Variants in DHX37 observed in about 807,000 individuals in gnomAD.
The protein encoded by DHX37 is DEAH-box helicase 37, also known as probable ATP-dependent RNA helicase DHX37.
In DHX37, 52 loss-of-function variants were observed where a neutral mutation model predicts 134.3. The observed-to-expected ratio is 0.39, with a 90% CI of 0.31 to 0.49. The LOEUF is 0.49. Ranked by LOEUF, DHX37 falls within the 20% of genes least tolerant of loss-of-function variation. The probability of loss-of-function intolerance (pLI) is 0.93; values close to 1 mark genes in which losing one functional copy is unlikely to be tolerated. For missense variants in DHX37, 1,344 were observed against 1,580.8 expected (o/e 0.85, Z 2.54); for synonymous variants, 634 against 670.7 (o/e 0.95, Z 0.85).
Position 124,960,461 on chromosome 12 carries a change from C to T in DHX37, c.2046-38G>A, listed in dbSNP as rs771130225. ...AAACCGGGACAACAAACACAAAACT[C>T]ACACCAAAAACCACAGATGAATACA... On this transcript the variant is annotated intron_variant, in intron 15 of 26. Coordinates refer to ENST00000308736, the MANE Select transcript of DHX37 (RefSeq NM_032656.4). 5 of 1,598,894 alleles carry T rather than the reference C, an allele frequency of 3.1e-6. No homozygotes were observed. In the South Asian group the frequency reaches 4.4e-5, roughly 14 times the overall value.
intron 10 of DHX37, 74 bp from the exon 11 acceptor site, chr12:124,967,292 G>A (rs78702572): frequency 0.048 from 73,282 of 1,512,078 alleles, 1,952 homozygotes; most frequent in Non-Finnish European, 0.055. Context: ...CACCTGCCAA[G>A]CCATGCTCTG....
intron 15 of DHX37, among the ~76,000 whole-genome samples, chr12:124,961,112 C>T (rs1302179933): frequency 6.6e-6 from 1 of 152,240 alleles, no homozygotes; most frequent in Non-Finnish European, 1.5e-5. Flanking sequence ...ACAAAAGGAA[C>T]AGCAATAAAG....
In DHX37 at chr12:124,980,698, G is replaced by C. The variant is rs772470904; in HGVS notation, c.530C>G (p.Ser177Trp). The change falls in exon 4 of 27, where the codon TCG (serine) becomes TGG (tryptophan). Residue 177 changes from serine to tryptophan, a missense_variant. Ser to Trp is a radical substitution (Grantham distance 177, BLOSUM62 -3). Around this residue, in one of 7 missense-constraint regions of DHX37, gnomAD observed 319 missense variants for 296.1 expected, o/e 1.08. Coordinates refer to ENST00000308736, the MANE Select transcript of DHX37 (RefSeq NM_032656.4). The surrounding 1 kb of genome is among the most constrained non-coding windows in gnomAD (Gnocchi z 5.3). ...AGCAGCTGGGTCCTCGTCCAGCTCCGACTCCTCCTCCAGCTCCGATTCCGA... is the reference window on the plus strand; with the variant it reads ...AGCAGCTGGGTCCTCGTCCAGCTCCCACTCCTCCTCCAGCTCCGATTCCGA... ...EESESELEEE[S>W]ELDEDPAAEP... 1.9e-6 allele frequency: 3 copies of C among 1,574,438 alleles called. No individual in the cohort carries two copies. In the South Asian group the frequency reaches 3.4e-5, roughly 18 times the overall value.
chr12:124,956,793 T>A lies in DHX37; in HGVS notation c.2351A>T (p.Tyr784Phe), dbSNP rs1168527892. Residue 784 changes from tyrosine (Y) to phenylalanine (F), a missense_variant, in exon 18 of 27, where the codon TAC (tyrosine) becomes TTC (phenylalanine). Coordinates refer to ENST00000308736, the MANE Select transcript of DHX37 (RefSeq NM_032656.4). ...TCGGCTCAGTGCCAGCATCTTAGCGTAGCGGGGTGCCACGGGGAATGTGGC... is the reference window on the plus strand; with the variant it reads ...TCGGCTCAGTGCCAGCATCTTAGCGAAGCGGGGTGCCACGGGGAATGTGGC... ...TMATFPVAPR[Y>F]AKMLALSRQH... 1 of 1,612,038 alleles carries A rather than the reference T, an allele frequency of 6.2e-7. No homozygotes were observed.
In DHX37 at chr12:124,977,214, T is replaced by A. The variant is rs1313755338; in HGVS notation, c.887+128A>T. On this transcript the variant is annotated intron_variant, in intron 5 of 26. Transcript: ENST00000308736. ...GCCCAGAGAGGTTAAGTAGCTTGTCTGAAGTCACACAGCATGCACAGGGCA... is the reference window on the plus strand; with the variant it reads ...GCCCAGAGAGGTTAAGTAGCTTGTCAGAAGTCACACAGCATGCACAGGGCA... 2.5e-6 allele frequency: 3 copies of A among 1,199,948 alleles called. No individual in the cohort carries two copies. In the African/African-American group the frequency reaches 4.6e-5, roughly 18 times the overall value. The allele number at this position is 1,199,948 out of a possible 1,614,324, so 74.3% of individuals were successfully genotyped here. A position where few individuals can be genotyped will look rare whatever the true frequency, so the allele number is the denominator to read the frequency against.
intron 1 of DHX37, among the ~76,000 whole-genome samples, chr12:124,986,725 C>T (rs1283281254): frequency 6.6e-6 from 1 of 151,476 alleles, no homozygotes; most frequent in African/African-American, 2.4e-5. Context: ...AAAAGAAAAC[C>T]CCCCAAAAAA....
Position 124,980,643 on chromosome 12 carries a change from G to A in DHX37, c.585C>T (p.Thr195=), listed in dbSNP as rs374237182. 55 of 1,605,826 alleles carry A rather than the reference G, an allele frequency of 3.4e-5. No individual in the cohort carries two copies. Among genetic ancestry groups the A allele is most frequent in the Middle Eastern group, 4.1e-4 (2 of 4,822 alleles). The change falls in exon 4 of 27, where the codon ACC becomes ACT. Residue 195 remains threonine, a synonymous_variant. Transcript: ENST00000308736. The surrounding 1 kb of genome is among the most constrained non-coding windows in gnomAD (Gnocchi z 5.3). The part of the protein sequence containing the change: ...AEPAEAGVGT[T]VAPLPPAPAP... Reference sequence around the variant, plus strand: ...CTGGAGCTGGCGGCAGAGGTGCCACGGTGGTCCCCACACCAGCCTCAGCCG... The same window carrying A: ...CTGGAGCTGGCGGCAGAGGTGCCACAGTGGTCCCCACACCAGCCTCAGCCG...
Position 124,989,084 on chromosome 12 carries a change from C to T in DHX37, c.-62G>A. The T allele has an allele frequency of 1.7e-6, 2 of 1,155,574 alleles. No homozygotes were observed. Among genetic ancestry groups the T allele is most frequent in the South Asian group, 3.3e-5 (1 of 30,144 alleles). 71.6% of individuals were successfully genotyped at this position (1,155,574 alleles called of 1,614,324 possible). A position where few individuals can be genotyped will look rare whatever the true frequency, so the allele number is the denominator to read the frequency against. ...CCAGCAGAGCAATCCGAAACCCAGC[C>T]CACGTGGGTTCCCAGACCACCAACT... On this transcript the variant is annotated 5_prime_UTR_variant, in exon 1 of 27. Transcript: ENST00000308736.
At chr12:124,960,464 A>G (rs201710875) in intron 15 of DHX37, 41 bp from the exon 16 acceptor site, 2 of 1,600,260 alleles carry the variant, frequency 1.2e-6, no homozygotes, top group South Asian at 1.1e-5. Flanking sequence ...CAAAACTCAC[A>G]CCAAAAACCA....
chr12:124,978,709 G>C lies in DHX37; in HGVS notation c.739-1219C>G, dbSNP rs141384495. On this transcript the variant is annotated intron_variant, in intron 4 of 26. Transcript: ENST00000308736. ...GAGAGGCCAAGGCAGAGGACTGCTT[G>C]AGGTCAGGAATTCAAGACCAGCCTG... Among the ~76,000 whole-genome samples, 1,479 of 151,350 alleles carry C rather than the reference G, an allele frequency of 9.8e-3. 24 individuals carry two copies. Among genetic ancestry groups the C allele is most frequent in the African/African-American group, 0.033 (1,370 of 41,394 alleles).
At chr12:124,961,337 C>G (rs1954260481) in intron 15 of DHX37, among the ~76,000 whole-genome samples, 1 of 102,760 alleles carries the variant, frequency 9.7e-6, no homozygotes, top group African/African-American at 7.2e-5. Context: ...CGTGCACGCA[C>G]ACACACACAC....
chr12:124,965,093 G>T, intron 13 of DHX37, 87 bp from the exon 14 acceptor site: 1 of 1,429,076 alleles, frequency 7.0e-7, no homozygotes, highest in Non-Finnish European at 9.5e-7. Context: ...GCACCCCCAG[G>T]CTGCTCCACC....
intron 18 of DHX37, among the ~76,000 whole-genome samples, chr12:124,955,815 G>C (rs751883277): frequency 1.3e-5 from 2 of 151,672 alleles, no homozygotes; most frequent in African/African-American, 4.8e-5. Flanking sequence ...GTTTGTTGCC[G>C]TAACTGCCAC....
At chr12:124,961,316 T>TGCACGCACGCACACA (rs1954259007) in intron 15 of DHX37, among the ~76,000 whole-genome samples, 3 of 134,490 alleles carry the variant, frequency 2.2e-5, no homozygotes, top group African/African-American at 1.0e-4. Flanking sequence ...GCACACACAC[T>TGCACGCACGCACACA]TACATACACA....
Position 124,965,783 on chromosome 12 carries a change from G to A in DHX37, c.1620C>T (p.Tyr540=), listed in dbSNP as rs1422274355. The A allele has an allele frequency of 1.9e-6, 3 of 1,613,850 alleles. No individual in the cohort carries two copies. In the Admixed American group the frequency reaches 5.0e-5, roughly 27 times the overall value. The change falls in exon 13 of 27, where the codon TAC becomes TAT. Residue 540 remains tyrosine, a synonymous_variant. Coordinates refer to ENST00000308736, the MANE Select transcript of DHX37 (RefSeq NM_032656.4). The stretch of plus-strand genomic sequence containing the variant: ...CGCCTTCGCCTGCCGGTAACACCGA[G>A]TAATGATCCAAGTTGATCTGGGGCA... ...EVLPQINLDH[Y]SVLPAGEGDE...
chr12:124,954,070 A>G lies in DHX37; in HGVS notation c.2578+17T>C. On this transcript the variant is annotated intron_variant, in intron 19 of 26. Transcript: ENST00000308736. ...TGGGTGACCCTCCCGCCACCCTCCA[A>G]CGGGCAGGGCACAAACCCAGCAGCA... 2.5e-6 allele frequency: 4 copies of G among 1,605,946 alleles called. No individual in the cohort carries two copies. The highest frequency in any genetic ancestry group is 3.4e-6 in the Non-Finnish European group (4 of 1,174,380).
intron 4 of DHX37, among the ~76,000 whole-genome samples, chr12:124,978,053 C>T (rs562182507): frequency 5.8e-4 from 88 of 151,812 alleles, no homozygotes; most frequent in African/African-American, 1.6e-3. Flanking sequence ...CTCTGCCTCC[C>T]GGGTTCAAGC....
intron 1 of DHX37, among the ~76,000 whole-genome samples, chr12:124,988,067 C>G (rs1308071680): frequency 1.4e-5 from 2 of 146,710 alleles, no homozygotes; most frequent in Non-Finnish European, 3.0e-5. Flanking sequence ...GATCTTGGCT[C>G]ACTGCAACCT....
rs1295090517 is a variant in DHX37, at chr12:124,980,319, C to T, written c.738+171G>A. 2.6e-5 allele frequency among the ~76,000 whole-genome samples: 4 copies of T among 152,242 alleles called. No homozygotes were observed. The East Asian group carries it at 7.7e-4, about 29-fold the overall frequency. ...CCGCCCTGCACTGTGATCCTCCTCG[C>T]GCACCAATCCCTGCCACAGCCTCAA... is the stretch of plus-strand genomic sequence containing the variant. On this transcript the variant is annotated intron_variant, in intron 4 of 26. Coordinates refer to ENST00000308736, the MANE Select transcript of DHX37 (RefSeq NM_032656.4). This position sits in a 1 kb window ranked among gnomAD's most constrained non-coding sequence, Gnocchi z 5.3.
Sources: allele counts gnomAD v4.1 joint callset (sites outside exome capture counted in the v4.1 genomes callset), GRCh38; gene constraint gnomAD v4.1.1; regional missense constraint gnomAD v4.1.1; non-coding constraint Gnocchi (gnomAD v3.1); transcripts MANE v1.5; gene names NCBI Gene and HGNC (gene_info 2026-07-23, HGNC 2026-07-21).